ARL10: variants seen among roughly 807,000 people sequenced by gnomAD.
The protein encoded by ARL10 is ADP-ribosylation factor-like protein 10.
ARL10 carries 23 observed loss-of-function variants against 26.1 expected under a neutral mutation model. That is an observed-to-expected ratio of 0.88 (90% CI 0.63 to 1.25). ARL10 has a LOEUF of 1.25. Ranked by LOEUF, ARL10 falls within the 50% of genes most tolerant of loss-of-function variation. The probability of loss-of-function intolerance (pLI) is 0.00; values close to 1 mark genes in which losing one functional copy is unlikely to be tolerated. For missense variants in ARL10, 300 were observed against 323.6 expected (o/e 0.93, Z 0.56); for synonymous variants, 138 against 149.1 (o/e 0.93, Z 0.54).
rs115822936 is a variant in ARL10, at chr5:176,388,188, G to T, written c.37-107G>T. Reference sequence around the variant, plus strand: ...TTCTGACACCTAGGTCAGTATGGCGGGGGAAGAGTAAAGAAGACAAGGACC... The same window carrying T: ...TTCTGACACCTAGGTCAGTATGGCGTGGGAAGAGTAAAGAAGACAAGGACC... On this transcript the variant is annotated intron_variant, in intron 1 of 1. Coordinates refer to the ARL10 transcript ENST00000503175. 1.6e-3 allele frequency: 2,228 copies of T among 1,393,484 alleles called. 35 individuals are homozygous for T. The African/African-American group carries it at 0.025, about 16-fold the overall frequency. 86.3% of individuals were successfully genotyped at this position (1,393,484 alleles called of 1,614,324 possible).
the ARL10 span, among the ~76,000 whole-genome samples, chr5:176,410,636 A>T: frequency 6.6e-6 from 1 of 152,108 alleles, no homozygotes; most frequent in Non-Finnish European, 1.5e-5. Flanking sequence ...ACCTGAAATC[A>T]CTGACCCCTG....
downstream of ARL10, among the ~76,000 whole-genome samples, chr5:176,402,958 G>A (rs1756898761): frequency 1.3e-5 from 2 of 152,202 alleles, no homozygotes; most frequent in East Asian, 1.9e-4. Context: ...GCTGCCAGAT[G>A]TGGGAGGAGA....
At chr5:176,389,179 C>G (rs1756154425), downstream of ARL10, 1 of 1,081,712 alleles carries the variant, frequency 9.2e-7, no homozygotes, top group Admixed American at 2.2e-5. Flanking sequence ...TGGGAGGACT[C>G]TGTAACTAGG....
downstream of ARL10, among the ~76,000 whole-genome samples, chr5:176,383,191 C>T (rs1230938949): frequency 2.0e-5 from 3 of 152,218 alleles, no homozygotes; most frequent in African/African-American, 7.2e-5. Flanking sequence ...AAACCACGCA[C>T]CATACAAGAT....
chr5:176,383,254 C>T (rs1038980024), downstream of ARL10, among the ~76,000 whole-genome samples: 5 of 152,242 alleles, frequency 3.3e-5, no homozygotes, highest in African/African-American at 9.6e-5. Context: ...TGAGAACGAG[C>T]GACAAGAGAC....
chr5:176,397,388 T>C (rs1581426099), intron 1 of ARL10, among the ~76,000 whole-genome samples: 4 of 56,680 alleles, frequency 7.1e-5, no homozygotes, highest in Admixed American at 2.4e-4. Context: ...TCCCCACAGC[T>C]CCCTCTCATG....
downstream of ARL10, chr5:176,389,600 C>T (rs1001320589): frequency 1.6e-6 from 2 of 1,243,752 alleles, no homozygotes; most frequent in Non-Finnish European, 1.1e-6. Context: ...CTTTGAGAGG[C>T]CCATGTGTCG....
At chr5:176,392,476 T>G, downstream of ARL10, 1 of 320,606 alleles carries the variant, frequency 3.1e-6, no homozygotes, top group Non-Finnish European at 5.8e-6. The surrounding 1 kb of genome is among the most constrained non-coding windows in gnomAD (Gnocchi z 5.2). Flanking sequence ...GAAGTGAGAA[T>G]GATAATAAAT....
downstream of ARL10, chr5:176,392,932 C>A (rs769212339): frequency 6.2e-7 from 1 of 1,614,164 alleles, no homozygotes; most frequent in Non-Finnish European, 8.5e-7. This position sits in a 1 kb window ranked among gnomAD's most constrained non-coding sequence, Gnocchi z 5.2. Flanking sequence ...TTCACGAAAG[C>A]CTCCTCGGAT....
chr5:176,370,386 CT>C (rs1347962292), intron 3 of ARL10, among the ~76,000 whole-genome samples: 6 of 152,216 alleles, frequency 3.9e-5, no homozygotes, highest in Non-Finnish European at 8.8e-5. Context: ...TCAGGTGAAA[CT>C]GCCAGAGTAC....
chr5:176,369,156 C>T, intron 3 of ARL10, 174 bp downstream of exon 3: 1 of 1,534,546 alleles, frequency 6.5e-7, no homozygotes, highest in Non-Finnish European at 8.7e-7. Context: ...TTCCTCTTTG[C>T]CTCCCTATCA....
In ARL10 at chr5:176,372,484, T is replaced by C. The variant is rs137995253; in HGVS notation, c.*589T>C. On this transcript the variant is annotated 3_prime_UTR_variant, in exon 4 of 4. Coordinates refer to ENST00000310389, the MANE Select transcript of ARL10 (RefSeq NM_173664.6). Reference sequence around the variant, plus strand: ...GTGGTTTCCTAATTCGGAGATGCCTTTCCCAGCCATGGGAGTGTGAAGTGC... The same window carrying C: ...GTGGTTTCCTAATTCGGAGATGCCTCTCCCAGCCATGGGAGTGTGAAGTGC... 424 of 163,126 alleles carry C rather than the reference T, an allele frequency of 2.6e-3. 2 individuals are homozygous for C. The highest frequency in any genetic ancestry group is 0.011 in the Middle Eastern group (4 of 348). 10.1% of individuals were successfully genotyped at this position (163,126 alleles called of 1,614,324 possible). A position where few individuals can be genotyped will look rare whatever the true frequency, so the allele number is the denominator to read the frequency against.
chr5:176,390,670 C>T (rs1756236789), downstream of ARL10, among the ~76,000 whole-genome samples: 2 of 152,100 alleles, frequency 1.3e-5, 1 homozygote, highest in South Asian at 4.1e-4. Context: ...TGGTCTTGAA[C>T]TCCTGACCTC....
downstream of ARL10, chr5:176,385,344 A>G: frequency 7.0e-7 from 1 of 1,428,578 alleles, no homozygotes; most frequent in Non-Finnish European, 9.9e-7. Flanking sequence ...TGATGAGAGA[A>G]GCGGGGAGAC....
downstream of ARL10, among the ~76,000 whole-genome samples, chr5:176,403,915 C>A: frequency 6.6e-6 from 1 of 151,998 alleles, no homozygotes; most frequent in Non-Finnish European, 1.5e-5. Flanking sequence ...TGGGCACCAC[C>A]ACACCCGACT....
chr5:176,389,418 C>T (rs768600676), downstream of ARL10: 5 of 1,614,080 alleles, frequency 3.1e-6, no homozygotes, highest in African/African-American at 2.7e-5. Flanking sequence ...ATGATGCGCA[C>T]CCGGATCGCC....
chr5:176,384,298 C>G, downstream of ARL10: 1 of 1,614,204 alleles, frequency 6.2e-7, no homozygotes. Context: ...TGGGTAAAAG[C>G]GTTTATAGAC....
chr5:176,392,816 G>A (rs1163636513), downstream of ARL10: 2 of 1,614,256 alleles, frequency 1.2e-6, no homozygotes, highest in East Asian at 4.5e-5. The surrounding 1 kb of genome is among the most constrained non-coding windows in gnomAD (Gnocchi z 5.2). Flanking sequence ...TGAGCACCGA[G>A]CGCAGGCGGG....
chr5:176,386,090 G>A (rs746932211), downstream of ARL10: 1 of 152,888 alleles, frequency 6.5e-6, no homozygotes, highest in Non-Finnish European at 1.5e-5. Flanking sequence ...AAAGGTTTTA[G>A]GGACCTGTTG....
Sources: allele counts gnomAD v4.1 joint callset (sites outside exome capture counted in the v4.1 genomes callset), GRCh38; gene constraint gnomAD v4.1.1; non-coding constraint Gnocchi (gnomAD v3.1); transcripts MANE v1.5; gene names NCBI Gene and HGNC (gene_info 2026-07-23, HGNC 2026-07-21).